The following PPM1L variants were observed in gnomAD, a reference collection of about 807,000 sequenced individuals.
The protein encoded by PPM1L is protein phosphatase 1L.
In PPM1L, 13 loss-of-function variants were observed where a neutral mutation model predicts 31.4. The ratio of observed to expected loss-of-function variants is 0.41; its 90% CI spans 0.27 to 0.66. PPM1L has a LOEUF of 0.66. Among genes scored for constraint, PPM1L ranks in the 30% least tolerant of loss-of-function variants. The pLI, the probability that PPM1L is intolerant of heterozygous loss-of-function variation, is 0.29. For missense variants in PPM1L, 326 were observed against 453.7 expected, an observed-to-expected ratio of 0.72 and a Z score of 2.56; for synonymous variants, 184 against 175.4, an observed-to-expected ratio of 1.05 and a Z score of -0.39.
chr3:161,024,366 G>A (rs1046644319), intron 2 of PPM1L, among the ~76,000 whole-genome samples: 3 of 151,970 alleles, frequency 2.0e-5, no homozygotes, highest in African/African-American at 4.8e-5. Flanking sequence ...CAATACCCTG[G>A]GGATAGGGCT....
At chr3:160,983,900 G>T (rs569326809) in intron 2 of PPM1L, among the ~76,000 whole-genome samples, 1 of 152,300 alleles carries the variant, frequency 6.6e-6, no homozygotes, top group African/African-American at 2.4e-5. Context: ...TTCAAAAGGG[G>T]AGGGAGTGTA....
intron 2 of PPM1L, among the ~76,000 whole-genome samples, chr3:161,035,643 C>T (rs1245548315): frequency 6.6e-6 from 1 of 152,192 alleles, no homozygotes; most frequent in East Asian, 1.9e-4. Flanking sequence ...GGTAAGATTG[C>T]TTTATTTCCC....
At chr3:160,989,564 C>A (rs1020921175) in intron 2 of PPM1L, among the ~76,000 whole-genome samples, 9 of 152,106 alleles carry the variant, frequency 5.9e-5, no homozygotes, top group Admixed American at 4.6e-4. Flanking sequence ...TACCACCATG[C>A]CCGGCCAGGC....
intron 2 of PPM1L, among the ~76,000 whole-genome samples, chr3:161,000,999 G>C (rs569822371): frequency 5.3e-4 from 81 of 152,260 alleles, no homozygotes; most frequent in African/African-American, 1.9e-3. Context: ...TACTTCCTAA[G>C]ATTTTAAACT....
chr3:160,781,049 T>G (rs1711734695), intron 1 of PPM1L, among the ~76,000 whole-genome samples: 1 of 152,196 alleles, frequency 6.6e-6, no homozygotes, highest in Non-Finnish European at 1.5e-5. Flanking sequence ...CTTATTTATT[T>G]TTTACTTTCT....
At chr3:160,944,683 G>T (rs570010931) in intron 1 of PPM1L, among the ~76,000 whole-genome samples, 2 of 135,970 alleles carry the variant, frequency 1.5e-5, no homozygotes, top group Admixed American at 1.6e-4. Flanking sequence ...CATAATAAAT[G>T]CAAGCTAAAA....
At chr3:161,006,060 A>G (rs550677856) in intron 2 of PPM1L, among the ~76,000 whole-genome samples, 350 of 152,332 alleles carry the variant, frequency 2.3e-3, no homozygotes, top group African/African-American at 8.3e-3. Context: ...TTTTACAACT[A>G]TGCTCATTGC....
At chr3:160,769,206 A>G (rs1715184890) in intron 1 of PPM1L, among the ~76,000 whole-genome samples, 1 of 152,226 alleles carries the variant, frequency 6.6e-6, no homozygotes, top group South Asian at 2.1e-4. Flanking sequence ...GAACAAAACT[A>G]GAATTGTATT....
At chr3:160,864,457 G>C (rs1239940074) in intron 1 of PPM1L, among the ~76,000 whole-genome samples, 1 of 152,196 alleles carries the variant, frequency 6.6e-6, no homozygotes, top group Non-Finnish European at 1.5e-5. Context: ...GATTACAGGG[G>C]TGAGCCACCA....
At chr3:160,905,556 T>C (rs1713728048) in intron 1 of PPM1L, among the ~76,000 whole-genome samples, 1 of 152,340 alleles carries the variant, frequency 6.6e-6, no homozygotes, top group East Asian at 1.9e-4. Context: ...GTTTAATACT[T>C]GTAATCAGAA....
chr3:160,910,243 TCCTTTCCCCTTCC>T (rs1713914366), intron 1 of PPM1L, among the ~76,000 whole-genome samples: 2 of 28,944 alleles, frequency 6.9e-5, no homozygotes, highest in Non-Finnish European at 1.2e-4. Context: ...CCTTCCCCTT[TCCTTTCCCCTTCC>T]CCTTTCCCCT....
At chr3:161,011,270 C>T (rs907449444) in intron 2 of PPM1L, among the ~76,000 whole-genome samples, 7 of 152,180 alleles carry the variant, frequency 4.6e-5, no homozygotes, top group South Asian at 4.1e-4. Flanking sequence ...TTATTAAATA[C>T]GGAATCCTTT....
chr3:160,961,488 A>C (rs1715962405), intron 1 of PPM1L, among the ~76,000 whole-genome samples: 1 of 152,198 alleles, frequency 6.6e-6, no homozygotes, highest in African/African-American at 2.4e-5. Context: ...ATCTGCGAAT[A>C]TCTAACCAAG....
At chr3:161,036,889 CTT>C (rs1718756549) in intron 2 of PPM1L, among the ~76,000 whole-genome samples, 1 of 152,136 alleles carries the variant, frequency 6.6e-6, no homozygotes, top group Non-Finnish European at 1.5e-5. Context: ...TCCATGAAAT[CTT>C]ATTTACTATA....
chr3:160,834,152 T>C (rs1165390882), intron 1 of PPM1L, among the ~76,000 whole-genome samples: 1 of 151,622 alleles, frequency 6.6e-6, no homozygotes, highest in Non-Finnish European at 1.5e-5. Context: ...GCCTCCCAAG[T>C]AGCTGGGACT....
intron 1 of PPM1L, among the ~76,000 whole-genome samples, chr3:160,913,871 A>C: frequency 6.6e-6 from 1 of 152,190 alleles, no homozygotes; most frequent in East Asian, 1.9e-4. Context: ...ACCATTAATC[A>C]AAGATATACA....
chr3:160,947,099 G>A lies in PPM1L; in HGVS notation c.400-14637G>A, dbSNP rs190318664. On this transcript the variant is annotated intron_variant, in intron 1 of 3. Transcript: ENST00000498165. ...GTGAAAAATACACAAAGTGTTAACT[G>A]GCAAGTCAGGAGCTCATTAGGCCTA... is the stretch of plus-strand genomic sequence containing the variant. Among the ~76,000 whole-genome samples, 4 of 152,260 alleles carry A rather than the reference G, an allele frequency of 2.6e-5. No homozygotes were observed. In the East Asian group the frequency reaches 7.7e-4, roughly 29 times the overall value.
intron 1 of PPM1L, among the ~76,000 whole-genome samples, chr3:160,862,693 CACACACACACAA>C (rs1244477429): frequency 7.5e-4 from 110 of 145,972 alleles, no homozygotes; most frequent in Middle Eastern, 3.4e-3. Context: ...CACACACACA[CACACACACACAA>C]AATTCTGAAA....
At chr3:160,920,609 T>TCACACACACA (rs1278287003) in intron 1 of PPM1L, among the ~76,000 whole-genome samples, 2 of 49,166 alleles carry the variant, frequency 4.1e-5, no homozygotes, top group Non-Finnish European at 5.5e-5. Context: ...TCTCTCTCTC[T>TCACACACACA]CTCTCTCACA....
Sources: allele counts gnomAD v4.1 joint callset (sites outside exome capture counted in the v4.1 genomes callset), GRCh38; gene constraint gnomAD v4.1.1; transcripts MANE v1.5; gene names NCBI Gene and HGNC (gene_info 2026-07-23, HGNC 2026-07-21).